Variants in TRIM5 observed in about 807,000 individuals in gnomAD.
TRIM5 encodes tripartite motif containing 5.
In TRIM5, 31 loss-of-function variants were observed where a neutral mutation model predicts 35.6. The observed-to-expected ratio is 0.87, with a 90% CI of 0.65 to 1.18. The LOEUF (loss-of-function observed/expected upper bound fraction) is 1.18, where lower values mean the gene tolerates loss of function less well. TRIM5 is among the 50% of genes most tolerant of loss of function. The probability of loss-of-function intolerance (pLI) is 0.00; values close to 1 mark genes in which losing one functional copy is unlikely to be tolerated. For missense variants in TRIM5, 609 were observed against 591.6 expected, an observed-to-expected ratio of 1.03 and a Z score of -0.31; for synonymous variants, 243 against 215.6, an observed-to-expected ratio of 1.13 and a Z score of -1.11.
chr11:5,667,110 C>G (rs1851198408), intron 5 of TRIM5, among the ~76,000 whole-genome samples: 1 of 152,184 alleles, frequency 6.6e-6, no homozygotes, highest in Admixed American at 6.5e-5. Context: ...AACACCTTCT[C>G]CCTGAAACCA....
the TRIM5 span, among the ~76,000 whole-genome samples, chr11:5,623,461 G>C: frequency 2.0e-5 from 3 of 151,622 alleles, no homozygotes. Context: ...TCCGCCTCCC[G>C]GGTTCAAGCA....
chr11:5,653,138 C>T, the TRIM5 span, among the ~76,000 whole-genome samples: 2 of 152,314 alleles, frequency 1.3e-5, no homozygotes, highest in East Asian at 1.9e-4. Context: ...AGGCATGAGC[C>T]ACTGTACCCG....
the TRIM5 span, among the ~76,000 whole-genome samples, chr11:5,595,826 A>G: frequency 1.3e-5 from 2 of 151,376 alleles, no homozygotes; most frequent in Admixed American, 6.6e-5. Flanking sequence ...CCGAGTAGCT[A>G]GGACCACAGG....
At chr11:5,658,206 C>G (rs895615467), downstream of TRIM5, among the ~76,000 whole-genome samples, 4 of 152,188 alleles carry the variant, frequency 2.6e-5, no homozygotes, top group Non-Finnish European at 5.9e-5. Context: ...GGTAGAAGAA[C>G]ACACCAACAG....
intron 4 of TRIM5, 127 bp from the exon 5 acceptor site, chr11:5,667,838 A>C: frequency 1.0e-6 from 1 of 954,270 alleles, no homozygotes; most frequent in Non-Finnish European, 1.5e-6. Flanking sequence ...AAAGACAAAA[A>C]AGCAAAGATA....
At chr11:5,678,068 T>TA in intron 4 of TRIM5, 136 bp downstream of exon 4, 1 of 688,156 alleles carries the variant, frequency 1.5e-6, no homozygotes, top group South Asian at 2.5e-5. Context: ...ATTATTCTTA[T>TA]AACTTCAGCA....
downstream of TRIM5, among the ~76,000 whole-genome samples, chr11:5,661,630 G>C (rs533002895): frequency 4.6e-5 from 7 of 152,254 alleles, no homozygotes; most frequent in East Asian, 1.4e-3. Context: ...TTGTTACTCA[G>C]AGGTTCAGAA....
intron 4 of TRIM5, among the ~76,000 whole-genome samples, chr11:5,676,530 C>T (rs1301588880): frequency 1.3e-5 from 2 of 152,046 alleles, no homozygotes; most frequent in Admixed American, 6.6e-5. Flanking sequence ...GGCCATACTG[C>T]CCAAGGTAAT....
At chr11:5,682,234 T>C (rs1852527848) in intron 1 of TRIM5, among the ~76,000 whole-genome samples, 2 of 152,294 alleles carry the variant, frequency 1.3e-5, no homozygotes, top group South Asian at 2.1e-4. Context: ...TGAAATTCTG[T>C]CTCTACTAAA....
In TRIM5 at chr11:5,664,582, G is replaced by C; in HGVS notation, c.*227C>G. The C allele has an allele frequency of 7.8e-7, 1 of 1,279,310 alleles. No homozygotes were observed. The highest frequency in any genetic ancestry group is 9.9e-7 in the Non-Finnish European group (1 of 1,014,850). The allele number at this position is 1,279,310 out of a possible 1,614,324, so 79.2% of individuals were successfully genotyped here. A position where few individuals can be genotyped will look rare whatever the true frequency, so the allele number is the denominator to read the frequency against. ...ATGAGGTATAGGTCAGTTTTCCTTA[G>C]GAGTACGGAAAATGATGAAAAAAAT... On this transcript the variant is annotated 3_prime_UTR_variant, in exon 8 of 8. Coordinates refer to ENST00000380034, the MANE Select transcript of TRIM5 (RefSeq NM_033034.3).
intron 4 of TRIM5, among the ~76,000 whole-genome samples, chr11:5,676,264 G>C (rs1193952112): frequency 6.6e-6 from 1 of 152,056 alleles, no homozygotes; most frequent in Non-Finnish European, 1.5e-5. Flanking sequence ...AAAGTCTCAG[G>C]ATACAAAATC....
the TRIM5 span, among the ~76,000 whole-genome samples, chr11:5,645,302 G>C: frequency 4.0e-5 from 6 of 150,098 alleles, no homozygotes; most frequent in Non-Finnish European, 7.4e-5. Flanking sequence ...TGAGGCATGA[G>C]AATCGCTTGA....
At chr11:5,609,216 C>A in the TRIM5 span, among the ~76,000 whole-genome samples, 1 of 152,182 alleles carries the variant, frequency 6.6e-6, no homozygotes, top group African/African-American at 2.4e-5. Context: ...ATGCTCCTCA[C>A]AGACACACGA....
chr11:5,684,300 G>A (rs963043093), intron 1 of TRIM5, among the ~76,000 whole-genome samples: 1 of 152,184 alleles, frequency 6.6e-6, no homozygotes. Context: ...CACTGTTTTG[G>A]GGGAGGGGGC....
At chr11:5,594,097 G>A in the TRIM5 span, among the ~76,000 whole-genome samples, 1 of 152,068 alleles carries the variant, frequency 6.6e-6, no homozygotes, top group Non-Finnish European at 1.5e-5. Context: ...AGATTCCTAC[G>A]AGTGGATTTG....
chr11:5,633,969 C>T, the TRIM5 span: 6 of 1,516,312 alleles, frequency 4.0e-6, no homozygotes, highest in Non-Finnish European at 5.4e-6. Context: ...GAGGCCTCGT[C>T]CTTTTTATTC....
At chr11:5,615,750 C>T in the TRIM5 span, among the ~76,000 whole-genome samples, 14 of 151,520 alleles carry the variant, frequency 9.2e-5, no homozygotes, top group African/African-American at 3.4e-4. Context: ...CCTGCCACCA[C>T]GTCCGGCTAA....
At chr11:5,671,122 G>A (rs1851556827) in intron 4 of TRIM5, among the ~76,000 whole-genome samples, 1 of 151,938 alleles carries the variant, frequency 6.6e-6, no homozygotes, top group Non-Finnish European at 1.5e-5. Context: ...GCTAGTCTGG[G>A]GTCTGAGGTG....
intron 1 of TRIM5, among the ~76,000 whole-genome samples, chr11:5,680,571 C>T (rs541490845): frequency 3.3e-5 from 5 of 152,214 alleles, no homozygotes; most frequent in South Asian, 2.1e-4. Flanking sequence ...TTCTTTCCCA[C>T]GCCAAAACAC....
Sources: allele counts gnomAD v4.1 joint callset (sites outside exome capture counted in the v4.1 genomes callset), GRCh38; gene constraint gnomAD v4.1.1; transcripts MANE v1.5; gene names NCBI Gene and HGNC (gene_info 2026-07-23, HGNC 2026-07-21).